The following PTK7 variants were observed in gnomAD, a reference collection of about 807,000 sequenced individuals.
PTK7 encodes inactive tyrosine-protein kinase 7.
PTK7 carries 39 observed loss-of-function variants against 116.6 expected under a neutral mutation model. The observed-to-expected ratio is 0.33, with a 90% confidence interval of 0.26 to 0.44. The LOEUF is 0.44. PTK7 is among the 20% of genes least tolerant of loss of function. The pLI, the probability that PTK7 is intolerant of heterozygous loss-of-function variation, is 1.00. For missense variants in PTK7, 1,169 were observed against 1,425.6 expected (o/e 0.82, Z 2.90); for synonymous variants, 546 against 563.6 (o/e 0.97, Z 0.44).
intron 14 of PTK7, chr6:43,144,233 C>T (rs894270696): frequency 1.4e-5 from 8 of 574,864 alleles, no homozygotes; most frequent in Middle Eastern, 4.6e-4. Context: ...AGGTCATAAT[C>T]AGCTGCATCA....
chr6:43,101,491 G>T (rs952064831), intron 1 of PTK7, among the ~76,000 whole-genome samples: 15 of 151,700 alleles, frequency 9.9e-5, no homozygotes, highest in African/African-American at 3.4e-4. Context: ...GGCAGAGCTG[G>T]CAGTGTGCTG....
At chr6:43,124,090 A>C (rs1283273785) in intron 1 of PTK7, among the ~76,000 whole-genome samples, 1 of 152,108 alleles carries the variant, frequency 6.6e-6, no homozygotes, top group Non-Finnish European at 1.5e-5. Flanking sequence ...GTTGCATGGC[A>C]TGGCCCGGTG....
At chr6:43,140,829 A>T (rs543325567) in intron 10 of PTK7, among the ~76,000 whole-genome samples, 103 of 152,262 alleles carry the variant, frequency 6.8e-4, no homozygotes, top group African/African-American at 2.1e-3. Context: ...AATATTTTTT[A>T]AAATTATTTA....
chr6:43,107,040 A>G (rs1209195678), intron 1 of PTK7, among the ~76,000 whole-genome samples: 1 of 151,884 alleles, frequency 6.6e-6, no homozygotes, highest in Non-Finnish European at 1.5e-5. Context: ...CTCCTGCCTC[A>G]GCCTCCTGAG....
At chr6:43,101,968 G>A (rs369741641) in intron 1 of PTK7, among the ~76,000 whole-genome samples, 1 of 152,150 alleles carries the variant, frequency 6.6e-6, no homozygotes, top group African/African-American at 2.4e-5. Context: ...GGCCGAGGCG[G>A]GCAGATCATC....
Position 43,160,703 on chromosome 6 carries a change from C to T in PTK7, c.3053-18C>T. On this transcript the variant is annotated intron_variant, in intron 19 of 19. Transcript: ENST00000230419. The stretch of plus-strand genomic sequence containing the variant: ...TTGAATGTTTTGGCCAACACTGCAC[C>T]TGCTGTCTTCCCTACAGATTTGCAG... The T allele has an allele frequency of 6.2e-7, 1 of 1,613,436 alleles. No individual in the cohort carries two copies. Among genetic ancestry groups the T allele is most frequent in the Non-Finnish European group, 8.5e-7 (1 of 1,179,544 alleles).
intron 1 of PTK7, among the ~76,000 whole-genome samples, chr6:43,111,260 T>A (rs995692274): frequency 1.3e-5 from 2 of 152,136 alleles, no homozygotes; most frequent in African/African-American, 4.8e-5. Flanking sequence ...CAGCACAGGG[T>A]GGCACCTCTT....
rs1751965135 is a variant in PTK7, at chr6:43,143,681, C to T, written c.2251+61C>T. 3.9e-6 allele frequency: 6 copies of T among 1,541,402 alleles called. No homozygotes were observed. Among genetic ancestry groups the T allele is most frequent in the Admixed American group, 1.9e-5 (1 of 51,594 alleles). ...GCGGGAGCTGAGCGCCCTCCCGCGGCCACGGAGGGGAGAGCGCCAGCACTC... is the reference window on the plus strand; with the variant it reads ...GCGGGAGCTGAGCGCCCTCCCGCGGTCACGGAGGGGAGAGCGCCAGCACTC... On this transcript the variant is annotated intron_variant, in intron 14 of 19. Transcript: ENST00000230419. This position sits in a 1 kb window ranked among gnomAD's most constrained non-coding sequence, Gnocchi z 4.2.
chr6:43,129,147 A>G lies in PTK7; in HGVS notation c.250A>G (p.Ser84Gly). 1 of 1,614,208 alleles carries G rather than the reference A, an allele frequency of 6.2e-7. No homozygotes were observed. Among genetic ancestry groups the G allele is most frequent in the South Asian group, 1.1e-5 (1 of 91,086 alleles). Residue 84 changes from serine to glycine, a missense_variant, in exon 2 of 20, where the codon AGC (serine) becomes GGC (glycine). Physicochemically the swap from Ser to Gly is moderately conservative, Grantham distance 56 (BLOSUM62 0). Coordinates refer to ENST00000230419, the MANE Select transcript of PTK7 (RefSeq NM_002821.5). The surrounding 1 kb of genome is among the most constrained non-coding windows in gnomAD (Gnocchi z 4.5). Reference sequence around the variant, plus strand: ...GGAGCGGCGTTTCGCCCAGGGCAGCAGCCTGAGCTTTGCAGCTGTGGACCG... The same window carrying G: ...GGAGCGGCGTTTCGCCCAGGGCAGCGGCCTGAGCTTTGCAGCTGTGGACCG... ...DTERRFAQGSSLSFAAVDRLQ... is the reference protein window; with the variant it reads ...DTERRFAQGSGLSFAAVDRLQ...
Position 43,129,934 on chromosome 6 carries a change from C to T in PTK7, c.470+105C>T. 1 of 1,111,372 alleles carries T rather than the reference C, an allele frequency of 9.0e-7. No individual in the cohort carries two copies. The highest frequency in any genetic ancestry group is 1.3e-6 in the Non-Finnish European group (1 of 757,142). The allele number at this position is 1,111,372 out of a possible 1,614,324, so 68.8% of individuals were successfully genotyped here. A position where few individuals can be genotyped will look rare whatever the true frequency, so the allele number is the denominator to read the frequency against. ...GTTACCTCGCTCCATTCTGTGACCA[C>T]TCGTTCCACCACCACAGTGCTCTTC... On this transcript the variant is annotated intron_variant, in intron 3 of 19. Transcript: ENST00000230419. This position sits in a 1 kb window ranked among gnomAD's most constrained non-coding sequence, Gnocchi z 4.5.
intron 1 of PTK7, among the ~76,000 whole-genome samples, chr6:43,098,509 C>T (rs936653584): frequency 1.6e-4 from 25 of 152,178 alleles, no homozygotes; most frequent in African/African-American, 5.8e-4. Flanking sequence ...GCGCCTGCCA[C>T]CATGCCTGGC....
intron 1 of PTK7, among the ~76,000 whole-genome samples, chr6:43,119,807 T>G (rs1334978242): frequency 6.6e-6 from 1 of 152,132 alleles, no homozygotes; most frequent in Non-Finnish European, 1.5e-5. Flanking sequence ...CCCTCTCCTC[T>G]TGGGGCCAAG....
At chr6:43,119,201 G>T (rs1768806946) in intron 1 of PTK7, among the ~76,000 whole-genome samples, 1 of 152,086 alleles carries the variant, frequency 6.6e-6, no homozygotes, top group African/African-American at 2.4e-5. Context: ...CAGGAATTTG[G>T]GGTGAACTGC....
rs764278669 is a variant in PTK7, at chr6:43,141,964, C to T, written c.1802C>T (p.Thr601Met). 2.8e-5 allele frequency: 45 copies of T among 1,612,958 alleles called. No homozygotes were observed. The highest frequency in any genetic ancestry group is 1.4e-4 in the South Asian group (13 of 91,030). Residue 601 changes from threonine (T) to methionine (M), a missense_variant, in exon 12 of 20, where the codon ACG becomes ATG. Around this residue, in one of 3 missense-constraint regions of PTK7, gnomAD observed 678 missense variants for 853.8 expected, o/e 0.79. Transcript: ENST00000230419. This position sits in a 1 kb window ranked among gnomAD's most constrained non-coding sequence, Gnocchi z 4.9. ...ACCTTCAAAGTGGAACCAGAGCGTACGACTGTGTACCAGGGCCACACAGCC... is the reference window on the plus strand; with the variant it reads ...ACCTTCAAAGTGGAACCAGAGCGTATGACTGTGTACCAGGGCCACACAGCC... The part of the protein sequence containing the change: ...FITFKVEPER[T>M]TVYQGHTALL...
rs1316233166 is a variant in PTK7 at position 43,130,327 on chromosome 6, G to T, written c.568G>T (p.Ala190Ser). The T allele has an allele frequency of 6.2e-7, 1 of 1,612,630 alleles. No individual in the cohort carries two copies. The highest frequency in any genetic ancestry group is 8.5e-7 in the Non-Finnish European group (1 of 1,179,274). ...SKERNLTLRP[A>S]GPEHSGLYSC... The stretch of plus-strand genomic sequence containing the variant: ...GGAGCGGAACCTGACGCTCCGGCCA[G>T]CTGGTCCTGAGCATAGTGGGCTGTA... Residue 190 changes from alanine (A) to serine (S), a missense_variant, in exon 4 of 20, where the codon GCT becomes TCT. Transcript: ENST00000230419.
rs533682307 is a variant in PTK7, at chr6:43,144,332, G to A, written c.2252-119G>A. On this transcript the variant is annotated intron_variant, in intron 14 of 19. Coordinates refer to ENST00000230419, the MANE Select transcript of PTK7 (RefSeq NM_002821.5). Reference sequence around the variant, plus strand: ...ATCATTTGGGCTTGCCCTTTCATGTGGAGCACTGTGATTGGACCCAAGTTG... The same window carrying A: ...ATCATTTGGGCTTGCCCTTTCATGTAGAGCACTGTGATTGGACCCAAGTTG... The A allele has an allele frequency of 4.0e-6, 5 of 1,259,384 alleles. No individual in the cohort carries two copies. In the African/African-American group the frequency reaches 5.9e-5, roughly 15 times the overall value. 78.0% of individuals were successfully genotyped at this position (1,259,384 alleles called of 1,614,324 possible). A position where few individuals can be genotyped will look rare whatever the true frequency, so the allele number is the denominator to read the frequency against.
At chr6:43,098,299 C>G (rs747492428) in intron 1 of PTK7, among the ~76,000 whole-genome samples, 6 of 151,958 alleles carry the variant, frequency 3.9e-5, no homozygotes, top group Non-Finnish European at 5.9e-5. Flanking sequence ...TTGCCTAGTC[C>G]TGGGCTTAGT....
chr6:43,086,773 C>G (rs1383584670), intron 1 of PTK7, among the ~76,000 whole-genome samples: 1 of 152,092 alleles, frequency 6.6e-6, no homozygotes, highest in African/African-American at 2.4e-5. Context: ...GAGGTCAGAG[C>G]TGAAGTGGGT....
chr6:43,145,331 T>G lies in PTK7; in HGVS notation c.2539T>G (p.Leu847Val). The G allele has an allele frequency of 6.2e-7, 1 of 1,612,660 alleles. No homozygotes were observed. Among genetic ancestry groups the G allele is most frequent in the Non-Finnish European group, 8.5e-7 (1 of 1,179,598 alleles). ...GCAGCAGCTGGACTTCCGGAGGGAG[T>G]TGGAGATGTTTGGGAAGCTGAACCA... Reference protein sequence around the residue: ...EQQQLDFRRELEMFGKLNHAN... With the variant: ...EQQQLDFRREVEMFGKLNHAN... The change falls in exon 16 of 20, where the codon TTG becomes GTG. Residue 847 changes from leucine (L) to valine (V), a missense_variant. By Grantham distance (32) the Leu-to-Val change is conservative. Coordinates refer to ENST00000230419, the MANE Select transcript of PTK7 (RefSeq NM_002821.5). The surrounding 1 kb of genome is among the most constrained non-coding windows in gnomAD (Gnocchi z 4.8).
Sources: gnomAD v4.1 joint callset for allele counts (sites outside exome capture counted in the v4.1 genomes callset) on GRCh38, gnomAD v4.1.1 for gene constraint, gnomAD v4.1.1 regional missense constraint, Gnocchi (gnomAD v3.1) non-coding constraint, MANE v1.5 for transcripts, NCBI Gene and HGNC (gene_info 2026-07-23, HGNC 2026-07-21) for gene names.